Variants in TMEM44 observed in about 807,000 individuals in gnomAD.
TMEM44 encodes transmembrane protein 44.
In TMEM44, 43 loss-of-function variants were observed where a neutral mutation model predicts 47.8. That is an observed-to-expected ratio of 0.90 (90% CI 0.70 to 1.16). The LOEUF (loss-of-function observed/expected upper bound fraction) is 1.16. TMEM44 is among the 50% of genes most tolerant of loss of function. The pLI, the probability that TMEM44 is intolerant of heterozygous loss-of-function variation, is 0.00. For missense variants in TMEM44, 568 were observed against 555.2 expected (o/e 1.02, Z -0.23); for synonymous variants, 277 against 238.8 (o/e 1.16, Z -1.48).
chr3:194,632,975 TTC>T (rs1176441489), intron 1 of TMEM44, 102 bp downstream of exon 1: 4 of 1,456,930 alleles, frequency 2.7e-6, no homozygotes, highest in Non-Finnish European at 3.7e-6. Flanking sequence ...AGCCATCTCC[TTC>T]ATCCCCCTTT....
intron 3 of TMEM44, 51 bp from the exon 4 acceptor site, chr3:194,623,746 A>C: frequency 6.2e-7 from 1 of 1,607,874 alleles, no homozygotes; most frequent in African/African-American, 1.3e-5. Context: ...AGACCTTGTC[A>C]GATCAGATAG....
chr3:194,601,569 C>G (rs1344615704), intron 9 of TMEM44, among the ~76,000 whole-genome samples: 2 of 152,160 alleles, frequency 1.3e-5, no homozygotes, highest in African/African-American at 4.8e-5. Context: ...TCCCAAAGTA[C>G]TGGGATTACA....
chr3:194,594,165 A>ATCTGTC (rs766929721), intron 9 of TMEM44, among the ~76,000 whole-genome samples: 2 of 76,432 alleles, frequency 2.6e-5, no homozygotes, highest in East Asian at 6.9e-4. Context: ...CTATCTATCT[A>ATCTGTC]TATCTATCTA....
In TMEM44 at chr3:194,628,431, A is replaced by T. The variant is rs1470622037; in HGVS notation, c.216T>A (p.Ser72Arg). Residue 72 changes from serine to arginine, a missense_variant, in exon 2 of 10, where the codon AGT becomes AGA. By Grantham distance (110) the Ser-to-Arg change is moderately radical. Coordinates refer to ENST00000347147, the MANE Select transcript of TMEM44 (RefSeq NM_001011655.3). ...ALCAACCLLTSLCDTVGALLA... is the reference protein window; with the variant it reads ...ALCAACCLLTRLCDTVGALLA... ...GAAGAGCCCCGACGGTGTCACACAG[A>T]CTGGTCAGGAGGCAGCACGCAGCAC... 6.2e-7 allele frequency: 1 copy of T among 1,613,164 alleles called. No homozygotes were observed. The highest frequency in any genetic ancestry group is 1.3e-5 in the African/African-American group (1 of 74,918).
At chr3:194,620,289 CA>C (rs752649203) in intron 5 of TMEM44, among the ~76,000 whole-genome samples, 950 of 55,028 alleles carry the variant, frequency 0.017, 5 homozygotes, top group South Asian at 0.058. Context: ...AACTCCGACT[CA>C]AAAAAAAAAA....
intron 5 of TMEM44, 163 bp downstream of exon 5, chr3:194,623,061 C>G (rs776197299): frequency 7.8e-6 from 5 of 639,964 alleles, no homozygotes; most frequent in African/African-American, 1.9e-5. Flanking sequence ...ACACACACCC[C>G]CTCCTTGCTG....
At chr3:194,621,399 C>T (rs1716520095) in intron 5 of TMEM44, among the ~76,000 whole-genome samples, 1 of 152,116 alleles carries the variant, frequency 6.6e-6, no homozygotes, top group African/African-American at 2.4e-5. Context: ...TTACGACAGC[C>T]CTAGGGAGCT....
At chr3:194,596,115 G>A (rs1005817325) in intron 9 of TMEM44, among the ~76,000 whole-genome samples, 19 of 152,098 alleles carry the variant, frequency 1.2e-4, no homozygotes, top group African/African-American at 2.7e-4. Context: ...ATGGGGAGGC[G>A]TTCTGGAGCT....
intron 3 of TMEM44, among the ~76,000 whole-genome samples, chr3:194,625,238 C>T (rs571214295): frequency 7.9e-5 from 12 of 152,292 alleles, no homozygotes; most frequent in African/African-American, 2.9e-4. Flanking sequence ...ACTGCTCATG[C>T]CCATGCCCTG....
In TMEM44 at chr3:194,633,337, C is replaced by T; in HGVS notation, c.-122G>A. 2.6e-6 allele frequency: 1 copy of T among 386,818 alleles called. No individual in the cohort carries two copies. Among genetic ancestry groups the T allele is most frequent in the African/African-American group, 2.2e-5 (1 of 45,758 alleles). The allele number at this position is 386,818 out of a possible 1,614,324, so 24.0% of individuals were successfully genotyped here. A position where few individuals can be genotyped will look rare whatever the true frequency, so the allele number is the denominator to read the frequency against. ...TGGGTTCCGTTCCGCCGCGGCGCCT[C>T]CGGCCGAGCGCACCGACCGCGGGCA... On this transcript the variant is annotated 5_prime_UTR_variant, in exon 1 of 10. Transcript: ENST00000347147.
intron 8 of TMEM44, among the ~76,000 whole-genome samples, chr3:194,610,643 C>T (rs935350867): frequency 3.9e-5 from 6 of 152,154 alleles, no homozygotes; most frequent in East Asian, 1.9e-4. Flanking sequence ...CATCAACTGG[C>T]CACCTCCTTG....
intron 5 of TMEM44, among the ~76,000 whole-genome samples, chr3:194,620,117 C>G (rs1231487266): frequency 6.6e-6 from 1 of 151,904 alleles, no homozygotes; most frequent in Non-Finnish European, 1.5e-5. Flanking sequence ...ATGGAGAAAC[C>G]CTGTCTCTAC....
intron 2 of TMEM44, 83 bp from the exon 3 acceptor site, chr3:194,626,073 C>T (rs568825939): frequency 1.9e-5 from 21 of 1,090,518 alleles, no homozygotes; most frequent in South Asian, 1.4e-4. Context: ...GACCCTGTAT[C>T]ACATGGGTTA....
chr3:194,603,257 A>G (rs929236644), intron 9 of TMEM44, among the ~76,000 whole-genome samples: 7 of 152,262 alleles, frequency 4.6e-5, no homozygotes, highest in Admixed American at 3.9e-4. Flanking sequence ...AAAAGCTCAA[A>G]ATGAGGTAAA....
chr3:194,615,728 G>A, intron 6 of TMEM44, 31 bp from the exon 7 acceptor site: 1 of 1,611,124 alleles, frequency 6.2e-7, no homozygotes, highest in Non-Finnish European at 8.5e-7. Flanking sequence ...GTAGGAAGCA[G>A]AATATTCCAG....
chr3:194,624,069 C>T (rs35555118), intron 3 of TMEM44, among the ~76,000 whole-genome samples: 1 of 152,208 alleles, frequency 6.6e-6, no homozygotes. Flanking sequence ...AGAACCGGTA[C>T]AAGTGTGGTA....
At chr3:194,632,231 G>A (rs553888061) in intron 1 of TMEM44, among the ~76,000 whole-genome samples, 5 of 152,280 alleles carry the variant, frequency 3.3e-5, no homozygotes, top group South Asian at 2.1e-4. Flanking sequence ...TGTTCTAGGC[G>A]TCTTTTTATT....
chr3:194,624,430 A>G (rs932794211), intron 3 of TMEM44, among the ~76,000 whole-genome samples: 2 of 151,926 alleles, frequency 1.3e-5, no homozygotes, highest in African/African-American at 2.4e-5. Context: ...TGATTCATTT[A>G]TTATTTTTGA....
At chr3:194,607,712 T>C (rs1303664393) in intron 8 of TMEM44, among the ~76,000 whole-genome samples, 2 of 152,196 alleles carry the variant, frequency 1.3e-5, no homozygotes, top group Non-Finnish European at 2.9e-5. Context: ...AGACCAGTAC[T>C]CTGGCCCATA....
Sources: allele counts gnomAD v4.1 joint callset (sites outside exome capture counted in the v4.1 genomes callset), GRCh38; gene constraint gnomAD v4.1.1; transcripts MANE v1.5; gene names NCBI Gene and HGNC (gene_info 2026-07-23, HGNC 2026-07-21).